EPG5: variants seen among roughly 807,000 people sequenced by gnomAD.
The protein encoded by EPG5 is ectopic P granules protein 5 homolog.
EPG5 carries 159 observed loss-of-function variants against 302.7 expected under a neutral mutation model. That is an observed-to-expected ratio of 0.53 (90% CI 0.46 to 0.60). The LOEUF (loss-of-function observed/expected upper bound fraction) is 0.60, where lower values mean the gene tolerates loss of function less well. EPG5 is among the 20% of genes least tolerant of loss of function. EPG5 has a pLI of 0.00. For synonymous variants in EPG5, 1,158 were observed against 1,136.8 expected (o/e 1.02, Z -0.37); for missense variants, 2,896 against 3,092.4 (o/e 0.94, Z 1.51).
At chr18:45,880,255 G>T in intron 31 of EPG5, 32 bp from the exon 32 acceptor site, 1 of 1,529,232 alleles carries the variant, frequency 6.5e-7, no homozygotes, top group Admixed American at 2.3e-5. Flanking sequence ...GCAAGTCAGT[G>T]GCTTTCCCGA....
At chr18:45,815,176 C>A in the EPG5 span, among the ~76,000 whole-genome samples, 1 of 152,268 alleles carries the variant, frequency 6.6e-6, no homozygotes, top group African/African-American at 2.4e-5. Context: ...AAAATGGAGA[C>A]AACATGCATA....
At chr18:45,946,479 G>A (rs1161299136) in intron 7 of EPG5, among the ~76,000 whole-genome samples, 184 bp downstream of exon 7, 3 of 152,132 alleles carry the variant, frequency 2.0e-5, no homozygotes, top group Admixed American at 6.6e-5. Context: ...TGGTTTAAGA[G>A]AAGATACTTC....
chr18:45,910,928 A>G (rs566330158), intron 22 of EPG5, among the ~76,000 whole-genome samples, 186 bp from the exon 23 acceptor site: 1 of 152,310 alleles, frequency 6.6e-6, no homozygotes, highest in East Asian at 1.9e-4. Context: ...ATATGAAAGT[A>G]GTTTTAAAAA....
chr18:45,841,994 C>T, the EPG5 span: 13 of 989,360 alleles, frequency 1.3e-5, no homozygotes, highest in Admixed American at 3.7e-5. Context: ...CGGTTCCAGC[C>T]GCACTGCTCC....
intron 39 of EPG5, among the ~76,000 whole-genome samples, chr18:45,863,694 C>G (rs753180543): frequency 4.6e-5 from 7 of 152,206 alleles, no homozygotes; most frequent in African/African-American, 1.7e-4. Flanking sequence ...GTCATTTTCT[C>G]ATAGCACATT....
At chr18:45,953,234 T>C (rs975366857) in intron 2 of EPG5, 2 of 945,538 alleles carry the variant, frequency 2.1e-6, no homozygotes, top group Admixed American at 1.2e-4. Context: ...TCCCTAAGAC[T>C]TTCATGATTG....
chr18:45,824,887 C>A, the EPG5 span, among the ~76,000 whole-genome samples: 1 of 152,002 alleles, frequency 6.6e-6, no homozygotes, highest in African/African-American at 2.4e-5. Flanking sequence ...AGAAACGGGT[C>A]TGGCTCTGGG....
intron 9 of EPG5, 129 bp from the exon 10 acceptor site, chr18:45,939,884 G>T: frequency 1.2e-6 from 1 of 829,858 alleles, no homozygotes; most frequent in Non-Finnish European, 1.8e-6. Context: ...CTATTGTCCA[G>T]GTTCTGAAAC....
chr18:45,833,918 G>GAA, the EPG5 span, among the ~76,000 whole-genome samples: 3,159 of 152,090 alleles, frequency 0.021, 105 homozygotes, highest in African/African-American at 0.072. Flanking sequence ...AGGAAATATG[G>GAA]AAAAAAACCC....
chr18:45,963,203 G>A (rs2051184502), intron 1 of EPG5, among the ~76,000 whole-genome samples: 1 of 152,206 alleles, frequency 6.6e-6, no homozygotes, highest in Non-Finnish European at 1.5e-5. Flanking sequence ...GGGGAGCAGA[G>A]TGCTATTGGA....
At chr18:45,904,149 C>T (rs924094819) in intron 24 of EPG5, 32 bp from the exon 25 acceptor site, 13 of 1,596,974 alleles carry the variant, frequency 8.1e-6, no homozygotes, top group Non-Finnish European at 1.1e-5. Flanking sequence ...TTAACTCTGA[C>T]AGACAAGTCA....
chr18:45,873,364 G>T (rs2048910037), intron 35 of EPG5, among the ~76,000 whole-genome samples: 1 of 152,026 alleles, frequency 6.6e-6, no homozygotes, highest in Non-Finnish European at 1.5e-5. Flanking sequence ...ACAAAAATCA[G>T]CCGGGTGTGG....
At chr18:45,911,719 G>C (rs2049907745) in intron 22 of EPG5, among the ~76,000 whole-genome samples, 2 of 152,186 alleles carry the variant, frequency 1.3e-5, no homozygotes, top group Admixed American at 6.5e-5. Context: ...TTACAGGTGT[G>C]AGCCACCATG....
At chr18:45,827,696 C>A in the EPG5 span, among the ~76,000 whole-genome samples, 1 of 152,232 alleles carries the variant, frequency 6.6e-6, no homozygotes, top group Non-Finnish European at 1.5e-5. Flanking sequence ...CAGCACAGCT[C>A]CTGGCCCTCA....
chr18:45,966,864 A>C (rs1477013482), intron 1 of EPG5, among the ~76,000 whole-genome samples: 1 of 152,222 alleles, frequency 6.6e-6, no homozygotes, highest in Non-Finnish European at 1.5e-5. Context: ...GGCTGGAAAG[A>C]GAAAAATTAT....
chr18:45,930,600 A>G (rs2050377519), intron 12 of EPG5, 76 bp downstream of exon 12: 1 of 1,270,582 alleles, frequency 7.9e-7, no homozygotes, highest in South Asian at 1.7e-5. Context: ...TGTAAAAGCA[A>G]TCCCCCAAAA....
chr18:45,960,602 A>G (rs1371953620), intron 1 of EPG5, among the ~76,000 whole-genome samples: 1 of 152,260 alleles, frequency 6.6e-6, no homozygotes, highest in African/African-American at 2.4e-5. Context: ...ATAAATAGAG[A>G]AAAACATGCT....
chr18:45,862,089 G>A (rs2048647169), intron 39 of EPG5, among the ~76,000 whole-genome samples: 1 of 152,116 alleles, frequency 6.6e-6, no homozygotes, highest in South Asian at 2.1e-4. Flanking sequence ...ATTTTTTGAA[G>A]TCTAATGTTA....
intron 36 of EPG5, among the ~76,000 whole-genome samples, chr18:45,869,048 C>T (rs1170553708): frequency 3.5e-5 from 5 of 144,656 alleles, no homozygotes; most frequent in Admixed American, 6.8e-5. Flanking sequence ...GAGCAAGACT[C>T]CGTCTCAAAA....
Sources: allele counts gnomAD v4.1 joint callset (sites outside exome capture counted in the v4.1 genomes callset), GRCh38; gene constraint gnomAD v4.1.1; transcripts MANE v1.5; gene names NCBI Gene and HGNC (gene_info 2026-07-23, HGNC 2026-07-21).